The following CSNK2A1 variants were observed in gnomAD, a reference collection of about 807,000 sequenced individuals.
CSNK2A1 encodes the protein casein kinase II subunit alpha.
CSNK2A1 carries 10 observed loss-of-function variants against 62.9 expected under a neutral mutation model. The observed-to-expected ratio is 0.16, with a 90% CI of 0.10 to 0.27. The LOEUF is 0.27. Among genes scored for constraint, CSNK2A1 ranks in the 10% least tolerant of loss-of-function variants. The probability of loss-of-function intolerance (pLI) is 1.00; values close to 1 mark genes in which losing one functional copy is unlikely to be tolerated. For synonymous variants in CSNK2A1, 124 were observed against 167.8 expected (o/e 0.74, Z 2.02); for missense variants, 160 against 492.0 (o/e 0.33, Z 6.38).
chr20:538,467 A>G (rs1361828916), intron 1 of CSNK2A1, among the ~76,000 whole-genome samples: 1 of 152,242 alleles, frequency 6.6e-6, no homozygotes, highest in African/African-American at 2.4e-5. Context: ...TATTCAGGTA[A>G]TAACTCAAAA....
intron 2 of CSNK2A1, among the ~76,000 whole-genome samples, chr20:518,114 T>G (rs554264493): frequency 1.3e-5 from 2 of 152,254 alleles, no homozygotes; most frequent in South Asian, 4.1e-4. Context: ...TACAGGCATG[T>G]GTCACCACAC....
At chr20:522,822 C>T (rs1443570506) in intron 2 of CSNK2A1, among the ~76,000 whole-genome samples, 1 of 152,152 alleles carries the variant, frequency 6.6e-6, no homozygotes, top group Non-Finnish European at 1.5e-5. Flanking sequence ...CCTCCTGCCC[C>T]AGCCTCCTAA....
rs1238663875 is a variant in CSNK2A1 at position 480,359 on chromosome 20, TTAAA to T, written c.*3598_*3601del. 1 of 151,694 alleles carries T rather than the reference TTAAA, an allele frequency of 6.6e-6. No homozygotes were observed. The highest frequency in any genetic ancestry group is 1.5e-5 in the Non-Finnish European group (1 of 67,960). The allele number at this position is 151,694 out of a possible 1,614,324, so 9.4% of individuals were successfully genotyped here. A position where few individuals can be genotyped will look rare whatever the true frequency, so the allele number is the denominator to read the frequency against. On this transcript the variant is annotated 3_prime_UTR_variant, in exon 14 of 14. Transcript: ENST00000217244. ...CTATTATTACAAGCCAAGTAGGGTG[TTAAA>T]TATTTTCCTCGTGCCATTCCATTCA...
intron 3 of CSNK2A1, among the ~76,000 whole-genome samples, chr20:505,679 T>C (rs2122561805): frequency 6.6e-6 from 1 of 151,162 alleles, no homozygotes; most frequent in East Asian, 2.0e-4. Context: ...TTTTTTTTTT[T>C]TTTAAATTAG....
In CSNK2A1 at chr20:483,920, T is replaced by C. The variant is rs537957353; in HGVS notation, c.*41A>G. 30 of 1,575,712 alleles carry C rather than the reference T, an allele frequency of 1.9e-5. No homozygotes were observed. In the African/African-American group the frequency reaches 3.6e-4, roughly 19 times the overall value. ...AAGCTGCATCAAGGAGAGGGTGGACTCCCCCACCTCTGCTCAGGCATCAGG... is the reference window on the plus strand; with the variant it reads ...AAGCTGCATCAAGGAGAGGGTGGACCCCCCCACCTCTGCTCAGGCATCAGG... On this transcript the variant is annotated 3_prime_UTR_variant, in exon 14 of 14. Transcript: ENST00000217244.
chr20:492,157 G>T, intron 9 of CSNK2A1, 97 bp downstream of exon 9: 1 of 913,984 alleles, frequency 1.1e-6, no homozygotes, highest in Non-Finnish European at 1.7e-6. Context: ...GCATTAAGTG[G>T]CCTACCTAAA....
intron 2 of CSNK2A1, among the ~76,000 whole-genome samples, chr20:523,877 A>C (rs1005917304): frequency 4.0e-5 from 6 of 149,704 alleles, no homozygotes; most frequent in African/African-American, 1.2e-4. Flanking sequence ...AAAAAAAAAA[A>C]AAAACTGTAG....
chr20:528,262 T>TA (rs1482578704), intron 1 of CSNK2A1, among the ~76,000 whole-genome samples: 4 of 152,224 alleles, frequency 2.6e-5, no homozygotes, highest in Non-Finnish European at 5.9e-5. Context: ...GGTGGCAGGT[T>TA]ACATAGCAGA....
In CSNK2A1 at chr20:541,707, C is replaced by A. The variant is rs557009410; in HGVS notation, c.-227+1965G>T. ...CATGCTCCTCCTTAAATGTGTATTT[C>A]TCTTCTCTGTATTCCACAAAGGAGT... On this transcript the variant is annotated intron_variant, in intron 1 of 13. Transcript: ENST00000217244. Among the ~76,000 whole-genome samples the A allele has an allele frequency of 3.9e-5, 6 of 152,284 alleles. No individual in the cohort carries two copies. The South Asian group carries it at 8.3e-4, about 21-fold the overall frequency.
In CSNK2A1 at chr20:477,634, A is replaced by C. The variant is rs1489571505; in HGVS notation, c.*6327T>G. The C allele has an allele frequency of 6.6e-6, 1 of 152,264 alleles. No individual in the cohort carries two copies. 9.4% of individuals were successfully genotyped at this position (152,264 alleles called of 1,614,324 possible). ...TGTCCTATCTCCCTGGGGGCATTCAAACCCTAGTCCATAGCCTGAGGCCCA... is the reference window on the plus strand; with the variant it reads ...TGTCCTATCTCCCTGGGGGCATTCACACCCTAGTCCATAGCCTGAGGCCCA... On this transcript the variant is annotated 3_prime_UTR_variant, in exon 14 of 14. Transcript: ENST00000217244.
chr20:515,341 AG>A (rs1269612547), intron 2 of CSNK2A1, among the ~76,000 whole-genome samples: 45 of 152,334 alleles, frequency 3.0e-4, no homozygotes, highest in East Asian at 1.5e-3. Context: ...TTTGGACTTA[AG>A]GTTAAAATGG....
At chr20:503,667 G>T (rs2018515439) in intron 4 of CSNK2A1, 2 of 398,484 alleles carry the variant, frequency 5.0e-6, no homozygotes, top group Non-Finnish European at 8.8e-6. Flanking sequence ...AGCTGGGTTT[G>T]CAGTAGTTGC....
intron 1 of CSNK2A1, among the ~76,000 whole-genome samples, chr20:535,034 C>CAAAA (rs11469217): frequency 1.1e-3 from 57 of 50,800 alleles, no homozygotes; most frequent in African/African-American, 3.9e-3. Context: ...TGCTATCTCC[C>CAAAA]AAAAAAAAAA....
In CSNK2A1 at chr20:489,802, T is replaced by C; in HGVS notation, c.701A>G (p.His234Arg). 1 of 1,613,600 alleles carries C rather than the reference T, an allele frequency of 6.2e-7. No homozygotes were observed. Among genetic ancestry groups the C allele is most frequent in the Non-Finnish European group, 8.5e-7 (1 of 1,179,662 alleles). The change falls in exon 10 of 14, where the codon CAT becomes CGT. Residue 234 changes from histidine (H) to arginine (R), a missense_variant. By Grantham distance (29) the His-to-Arg change is conservative. This residue lies in a region of CSNK2A1 where 94 missense variants were observed against 357.6 expected (regional missense o/e 0.26). Transcript: ENST00000217244. ...SMIFRKEPFFHGHDNYDQLVR... is the reference protein window; with the variant it reads ...SMIFRKEPFFRGHDNYDQLVR... The stretch of plus-strand genomic sequence containing the variant: ...TACCTGATCATAATTGTCATGTCCA[T>C]GGAAAAATGGCTCCTTCCGAAAGAT...
intron 2 of CSNK2A1, among the ~76,000 whole-genome samples, chr20:513,390 A>G (rs919451769): frequency 5.3e-5 from 8 of 152,262 alleles, no homozygotes; most frequent in African/African-American, 1.9e-4. Flanking sequence ...AAGGGCTTAG[A>G]AACATGAAAT....
In CSNK2A1 at chr20:477,351, CCACA is replaced by C. The variant is rs1203535558; in HGVS notation, c.*6606_*6609del. ...GTAGCTAGGACACAGGCGCACACCA[CCACA>C]CTCAGCTAATCTATTTTTTGTAGAG... is the stretch of plus-strand genomic sequence containing the variant. On this transcript the variant is annotated 3_prime_UTR_variant, in exon 14 of 14. Transcript: ENST00000217244. 6.6e-6 allele frequency: 1 copy of C among 152,264 alleles called. No homozygotes were observed. The highest frequency in any genetic ancestry group is 1.5e-5 in the Non-Finnish European group (1 of 68,092). 9.4% of individuals were successfully genotyped at this position (152,264 alleles called of 1,614,324 possible).
intron 4 of CSNK2A1, 94 bp from the exon 5 acceptor site, chr20:500,028 T>G: frequency 1.1e-6 from 1 of 944,186 alleles, no homozygotes; most frequent in African/African-American, 1.6e-5. Context: ...ATAAATGGCT[T>G]ACTTATGAGC....
intron 4 of CSNK2A1, 22 bp downstream of exon 4, chr20:505,096 T>C (rs1568526052): frequency 6.3e-7 from 1 of 1,581,906 alleles, no homozygotes. Flanking sequence ...CAAATACCTC[T>C]GAAATTATCT....
At position 492,292 on chromosome 20, in the gene CSNK2A1, G is replaced by T; in HGVS notation, c.583C>A (p.Arg195=). The change falls in exon 9 of 14, where the codon CGA becomes AGA. Residue 195 remains arginine (R), a synonymous_variant. Coordinates refer to ENST00000217244, the MANE Select transcript of CSNK2A1 (RefSeq NM_177559.3). ...AGTAGCTCAGGACCTTTGAAGTATCGGGAAGCAACTCGGACATTATATTCT... is the reference window on the plus strand; with the variant it reads ...AGTAGCTCAGGACCTTTGAAGTATCTGGAAGCAACTCGGACATTATATTCT... ...GQEYNVRVAS[R]YFKGPELLVD... 1 of 1,613,804 alleles carries T rather than the reference G, an allele frequency of 6.2e-7. No individual in the cohort carries two copies.
Sources: allele counts gnomAD v4.1 joint callset (sites outside exome capture counted in the v4.1 genomes callset), GRCh38; gene constraint gnomAD v4.1.1; regional missense constraint gnomAD v4.1.1; transcripts MANE v1.5; gene names NCBI Gene and HGNC (gene_info 2026-07-23, HGNC 2026-07-21).